The following KCNN1 variants were observed in gnomAD, a reference collection of about 807,000 sequenced individuals.
The protein encoded by KCNN1 is small conductance calcium-activated potassium channel protein 1.
KCNN1 carries 20 observed loss-of-function variants against 44.7 expected under a neutral mutation model. The observed-to-expected ratio is 0.45, with a 90% CI of 0.32 to 0.65. The LOEUF is 0.65. KCNN1 is among the 30% of genes least tolerant of loss of function. KCNN1 has a pLI of 0.05. For synonymous variants in KCNN1, 324 were observed against 341.7 expected, an observed-to-expected ratio of 0.95 and a Z score of 0.57; for missense variants, 632 against 785.3, an observed-to-expected ratio of 0.80 and a Z score of 2.33.
chr19:17,954,314 G>A (rs988264300), intron 1 of KCNN1, among the ~76,000 whole-genome samples: 7 of 152,112 alleles, frequency 4.6e-5, no homozygotes, highest in East Asian at 1.9e-4. Flanking sequence ...AAAAGTAGCC[G>A]GGCATGGTGG....
At chr19:17,990,528 C>T (rs112259814) in intron 7 of KCNN1, among the ~76,000 whole-genome samples, 309 of 150,358 alleles carry the variant, frequency 2.1e-3, no homozygotes, top group Non-Finnish European at 2.6e-3. Context: ...AGGCCGGGCG[C>T]GGTGGCTCAC....
chr19:17,986,075 T>C (rs191557872), intron 5 of KCNN1, among the ~76,000 whole-genome samples: 8 of 151,672 alleles, frequency 5.3e-5, no homozygotes, highest in Admixed American at 6.6e-5. Flanking sequence ...CTACTAAAAA[T>C]ACAAAAATAG....
At chr19:17,957,050 AAAAAC>A (rs1177815344) in intron 2 of KCNN1, among the ~76,000 whole-genome samples, 2 of 151,266 alleles carry the variant, frequency 1.3e-5, no homozygotes, top group African/African-American at 4.9e-5. Flanking sequence ...GACTGTCTCA[AAAAAC>A]AAAACAAAAC....
At chr19:17,976,012 C>A (rs559239360) in intron 3 of KCNN1, among the ~76,000 whole-genome samples, 1 of 152,100 alleles carries the variant, frequency 6.6e-6, no homozygotes, top group Non-Finnish European at 1.5e-5. Flanking sequence ...CGGCTGCACA[C>A]GCATGTTGAT....
intron 4 of KCNN1, among the ~76,000 whole-genome samples, chr19:17,982,858 G>A (rs562359316): frequency 6.6e-6 from 1 of 152,196 alleles, no homozygotes; most frequent in South Asian, 2.1e-4. Flanking sequence ...TGGGAGCTCC[G>A]ATGTTTCCTC....
upstream of KCNN1, among the ~76,000 whole-genome samples, chr19:17,963,315 CTT>C (rs111446729): frequency 2.5e-4 from 33 of 133,720 alleles, no homozygotes; most frequent in Admixed American, 3.8e-4. Flanking sequence ...ACCCGGCCAC[CTT>C]TTTTTTTTTT....
chr19:17,970,638 C>G (rs2145920680), intron 1 of KCNN1, among the ~76,000 whole-genome samples: 1 of 151,894 alleles, frequency 6.6e-6, no homozygotes, highest in East Asian at 1.9e-4. Context: ...GTTGGCCAAG[C>G]TGGTCTTGAA....
chr19:17,989,159 G>C (rs2032702467), intron 6 of KCNN1, among the ~76,000 whole-genome samples: 1 of 152,154 alleles, frequency 6.6e-6, no homozygotes, highest in Non-Finnish European at 1.5e-5. Context: ...GATTCACTGA[G>C]TTAACATCTG....
chr19:17,997,914 A>AAG (rs1414435405), intron 9 of KCNN1, among the ~76,000 whole-genome samples: 1 of 150,982 alleles, frequency 6.6e-6, no homozygotes, highest in Non-Finnish European at 1.5e-5. Flanking sequence ...AAAAAAAAAA[A>AAG]AGAGAGAAAG....
Position 17,981,867 on chromosome 19 carries a change from C to T in KCNN1, c.657C>T (p.Pro219=). Residue 219 remains proline (P), a synonymous_variant, in exon 4 of 10, where the codon CCC becomes CCT. Transcript: ENST00000684775. The stretch of plus-strand genomic sequence containing the variant: ...CGCGGCTGGCCTTCACGTACGCGCC[C>T]TCGGTGGCCGAGGCCGACGTGGACG... ...WTARLAFTYA[P]SVAEADVDVL... is the part of the protein sequence containing the mutation. 6.2e-7 allele frequency: 1 copy of T among 1,612,606 alleles called. No individual in the cohort carries two copies. Among genetic ancestry groups the T allele is most frequent in the Middle Eastern group, 1.7e-4 (1 of 6,058 alleles).
chr19:17,959,783 C>A (rs2145903024), intron 2 of KCNN1, among the ~76,000 whole-genome samples: 1 of 152,156 alleles, frequency 6.6e-6, no homozygotes, highest in South Asian at 2.1e-4. Flanking sequence ...TCAAGAGGTG[C>A]TTTTGAAATA....
chr19:17,951,354 A>G (rs1401098147), exon 1 of KCNN1: 1 of 152,276 alleles, frequency 6.6e-6, no homozygotes, highest in African/African-American at 2.4e-5. Flanking sequence ...CTGAAGGAGA[A>G]CAGCAAGACA....
chr19:17,982,207 G>T (rs1665568990), intron 4 of KCNN1, 80 bp downstream of exon 4: 1 of 1,156,032 alleles, frequency 8.7e-7, no homozygotes, highest in Non-Finnish European at 1.1e-6. Context: ...TGATTTCACC[G>T]ACCCTGGGCC....
chr19:17,988,999 T>C (rs2032697038), intron 6 of KCNN1, among the ~76,000 whole-genome samples: 1 of 152,024 alleles, frequency 6.6e-6, no homozygotes, highest in Non-Finnish European at 1.5e-5. Flanking sequence ...CATCAACCCT[T>C]GTGCCCAGTC....
At position 17,974,088 on chromosome 19, in the gene KCNN1, A is replaced by T; in HGVS notation, c.200A>T (p.Asp67Val). ...GSPRGQPQDQ[D>V]DDEDDEEDEA... ...CCCCGGGGGCAGCCCCAGGACCAGG[A>T]CGATGACGAGGATGATGAGGAAGAT... Residue 67 changes from aspartate to valine, a missense_variant, in exon 2 of 10, where the codon GAC (aspartate) becomes GTC (valine). Asp to Val is a radical substitution (Grantham distance 152, BLOSUM62 -3). Coordinates refer to ENST00000684775, the MANE Select transcript of KCNN1 (RefSeq NM_001386974.1). This position sits in a 1 kb window ranked among gnomAD's most constrained non-coding sequence, Gnocchi z 7.3. 6.2e-7 allele frequency: 1 copy of T among 1,611,864 alleles called. No homozygotes were observed. The highest frequency in any genetic ancestry group is 1.7e-5 in the Admixed American group (1 of 60,026).
At chr19:17,975,839 G>A (rs143587014) in intron 3 of KCNN1, among the ~76,000 whole-genome samples, 1 of 152,252 alleles carries the variant, frequency 6.6e-6, no homozygotes, top group African/African-American at 2.4e-5. Flanking sequence ...CTCCCGAGTA[G>A]CTGGGACTAC....
chr19:17,956,914 C>T (rs957835086), intron 2 of KCNN1, among the ~76,000 whole-genome samples: 15 of 151,402 alleles, frequency 9.9e-5, no homozygotes, highest in African/African-American at 3.2e-4. Flanking sequence ...GGGGTGATGT[C>T]GGGAGTGCCT....
rs111277041 is a variant in KCNN1 at position 17,968,633 on chromosome 19, C to T, written c.-82+1316C>T. Reference sequence around the variant, plus strand: ...CTGTTGGGTGGGGAATCTAAGGAGCCATCAGCCCTGCTCCCTGCTACCCTC... The same window carrying T: ...CTGTTGGGTGGGGAATCTAAGGAGCTATCAGCCCTGCTCCCTGCTACCCTC... On this transcript the variant is annotated intron_variant, in intron 1 of 9. Coordinates refer to ENST00000684775, the MANE Select transcript of KCNN1 (RefSeq NM_001386974.1). Among the ~76,000 whole-genome samples, 7 of 152,198 alleles carry T rather than the reference C, an allele frequency of 4.6e-5. 1 individual carries two copies. Among genetic ancestry groups the T allele is most frequent in the African/African-American group, 1.7e-4 (7 of 41,528 alleles).
At chr19:17,963,786 C>T (rs1404271350), upstream of KCNN1, among the ~76,000 whole-genome samples, 1 of 150,674 alleles carries the variant, frequency 6.6e-6, no homozygotes, top group Non-Finnish European at 1.5e-5. Context: ...AGGGCAGAGG[C>T]ATGATCACAG....
Sources: allele counts gnomAD v4.1 joint callset (sites outside exome capture counted in the v4.1 genomes callset), GRCh38; gene constraint gnomAD v4.1.1; non-coding constraint Gnocchi (gnomAD v3.1); transcripts MANE v1.5; gene names NCBI Gene and HGNC (gene_info 2026-07-23, HGNC 2026-07-21).